Variants in CELA2A observed in about 807,000 individuals in gnomAD.
CELA2A encodes chymotrypsin like elastase 2A.
A neutral mutation model predicts 35.3 loss-of-function variants in CELA2A; 31 were observed. That is an observed-to-expected ratio of 0.88 (90% CI 0.66 to 1.19). The LOEUF (loss-of-function observed/expected upper bound fraction) is 1.19, where lower values mean the gene tolerates loss of function less well. Ranked by LOEUF, CELA2A falls within the 50% of genes most tolerant of loss-of-function variation. The probability of loss-of-function intolerance (pLI) is 0.00; values close to 1 mark genes in which losing one functional copy is unlikely to be tolerated. For missense variants in CELA2A, 330 were observed against 352.9 expected, an observed-to-expected ratio of 0.94 and a Z score of 0.52; for synonymous variants, 150 against 149.8, an observed-to-expected ratio of 1.00 and a Z score of -0.01.
intron 5 of CELA2A, 55 bp from the exon 6 acceptor site, chr1:15,465,944 T>G: frequency 6.2e-7 from 1 of 1,603,950 alleles, no homozygotes; most frequent in Non-Finnish European, 8.5e-7. Context: ...GTCCATCACT[T>G]CCTTTTTCTC....
At chr1:15,468,677 G>A (rs1447208423) in intron 7 of CELA2A, among the ~76,000 whole-genome samples, 1 of 152,090 alleles carries the variant, frequency 6.6e-6, no homozygotes, top group Non-Finnish European at 1.5e-5. Flanking sequence ...AGGCACGGTG[G>A]TACATGCCTG....
Position 15,457,171 on chromosome 1 carries a change from G to A in CELA2A, c.126G>A (p.Trp42Ter), listed in dbSNP as rs760085387. The change falls in exon 2 of 8, where the codon TGG becomes TGA. Residue 42 changes from tryptophan to a stop codon, truncating the protein, a stop_gained. Coordinates refer to ENST00000359621, the MANE Select transcript of CELA2A (RefSeq NM_033440.3). LOFTEE classifies it high-confidence loss of function. ...GEEARPNSWP[W>*]QVSLQYSSNG... is the part of the protein sequence containing the mutation. ...AAGCGAGGCCCAACAGCTGGCCCTG[G>A]CAGGTGAGTTGACCACACTGTACTT... 7.5e-5 allele frequency: 121 copies of A among 1,613,964 alleles called. No homozygotes were observed. The highest frequency in any genetic ancestry group is 9.6e-5 in the Non-Finnish European group (113 of 1,179,992).
At chr1:15,470,211 C>A (rs996263259) in intron 7 of CELA2A, among the ~76,000 whole-genome samples, 1 of 152,172 alleles carries the variant, frequency 6.6e-6, no homozygotes, top group African/African-American at 2.4e-5. Context: ...CTAGTGAAAC[C>A]TTGCAGTAGC....
Position 15,463,353 on chromosome 1 carries a change from C to T in CELA2A, c.357-33C>T, listed in dbSNP as rs12076616. ...GCCCACAGGGCAGGAAAAGTCAACCCGGTCCTCATGCTTCGCCTCCACACT... is the reference window on the plus strand; with the variant it reads ...GCCCACAGGGCAGGAAAAGTCAACCTGGTCCTCATGCTTCGCCTCCACACT... On this transcript the variant is annotated intron_variant, in intron 4 of 7. Transcript: ENST00000359621. 6,329 of 1,612,430 alleles carry T rather than the reference C, an allele frequency of 3.9e-3. 162 individuals carry two copies. In the African/African-American group the frequency reaches 0.061, roughly 16 times the overall value.
rs1331780143 is a variant in CELA2A at position 15,461,542 on chromosome 1, C to T, written c.130-19C>T. The T allele has an allele frequency of 6.2e-7, 1 of 1,611,786 alleles. No individual in the cohort carries two copies. Among genetic ancestry groups the T allele is most frequent in the Non-Finnish European group, 8.5e-7 (1 of 1,179,648 alleles). ...TGCTCTTTCAAACCTAGCCACAGAGCTCCTTTGCTTCTCCCCAGGTCTCCC... is the reference window on the plus strand; with the variant it reads ...TGCTCTTTCAAACCTAGCCACAGAGTTCCTTTGCTTCTCCCCAGGTCTCCC... On this transcript the variant is annotated intron_variant, in intron 2 of 7. Coordinates refer to ENST00000359621, the MANE Select transcript of CELA2A (RefSeq NM_033440.3).
intron 5 of CELA2A, 31 bp downstream of exon 5, chr1:15,463,553 G>T (rs1302678952): frequency 6.2e-7 from 1 of 1,612,608 alleles, no homozygotes; most frequent in Non-Finnish European, 8.5e-7. Context: ...CCCAGGCCTG[G>T]GAGGGAAGGG....
At chr1:15,464,834 A>C (rs1252471694) in intron 5 of CELA2A, among the ~76,000 whole-genome samples, 1 of 152,066 alleles carries the variant, frequency 6.6e-6, no homozygotes, top group African/African-American at 2.4e-5. Flanking sequence ...GTCACGGTGA[A>C]ACCTTGGGCA....
rs1708425897 is a variant in CELA2A at position 15,460,976 on chromosome 1, C to T, written c.130-585C>T. On this transcript the variant is annotated intron_variant, in intron 2 of 7. Coordinates refer to ENST00000359621, the MANE Select transcript of CELA2A (RefSeq NM_033440.3). ...CATAGCTCAGCGTGGCTGGGGAGGC[C>T]TCAGGAAACTTATAATCATGGCAGA... Among the ~76,000 whole-genome samples, 4 of 152,114 alleles carry T rather than the reference C, an allele frequency of 2.6e-5. No individual in the cohort carries two copies. The South Asian group carries it at 8.3e-4, about 31-fold the overall frequency.
chr1:15,469,728 T>C (rs1323411236), intron 7 of CELA2A, among the ~76,000 whole-genome samples: 2 of 152,140 alleles, frequency 1.3e-5, no homozygotes, highest in Non-Finnish European at 2.9e-5. Flanking sequence ...CTTTTTTATA[T>C]CTAAATTGGG....
At chr1:15,460,671 A>G (rs1431324036) in intron 2 of CELA2A, among the ~76,000 whole-genome samples, 3 of 149,930 alleles carry the variant, frequency 2.0e-5, no homozygotes, top group Non-Finnish European at 4.4e-5. Flanking sequence ...TTTTTTAAAG[A>G]CCTGGTCTCA....
In CELA2A at chr1:15,472,085, CA is replaced by C; in HGVS notation, c.*81del. On this transcript the variant is annotated 3_prime_UTR_variant, in exon 8 of 8. Coordinates refer to ENST00000359621, the MANE Select transcript of CELA2A (RefSeq NM_033440.3). ...ATAATATAATAAAGTGACAACTATG[CA>C]AATCACATCTTGATGAGAGATTTAT... 3 of 1,571,258 alleles carry C rather than the reference CA, an allele frequency of 1.9e-6. No individual in the cohort carries two copies. Among genetic ancestry groups the C allele is most frequent in the African/African-American group, 1.3e-5 (1 of 74,084 alleles).
intron 2 of CELA2A, among the ~76,000 whole-genome samples, chr1:15,460,527 C>T (rs1708419446): frequency 6.6e-6 from 1 of 152,066 alleles, no homozygotes; most frequent in Admixed American, 6.6e-5. Context: ...CTGTCACCTC[C>T]CTCCCCTCTG....
intron 2 of CELA2A, among the ~76,000 whole-genome samples, chr1:15,460,682 C>T (rs1424876508): frequency 2.0e-5 from 3 of 150,578 alleles, no homozygotes; most frequent in African/African-American, 7.3e-5. Context: ...CCTGGTCTCA[C>T]TCTGTTAATT....
Position 15,457,128 on chromosome 1 carries a change from G to A in CELA2A, c.83G>A (p.Arg28Lys), listed in dbSNP as rs770719744. ...CCCACTTACCCACCTTATGTGACTA[G>A]GGTGGTTGGCGGTGAAGAAGCGAGG... ...GDPTYPPYVT[R>K]VVGGEEARPN... The change falls in exon 2 of 8, where the codon AGG becomes AAG. Residue 28 changes from arginine to lysine, a missense_variant. Physicochemically the swap from Arg to Lys is conservative, Grantham distance 26. Transcript: ENST00000359621. 7.4e-6 allele frequency: 12 copies of A among 1,614,166 alleles called. No homozygotes were observed. In the South Asian group the frequency reaches 1.3e-4, roughly 18 times the overall value.
chr1:15,458,452 G>T (rs867862026), intron 2 of CELA2A, among the ~76,000 whole-genome samples: 17 of 152,214 alleles, frequency 1.1e-4, no homozygotes, highest in Middle Eastern at 3.4e-3. Context: ...AAGCATAATT[G>T]ATATAAACTG....
Position 15,466,061 on chromosome 1 carries a change from T to A in CELA2A, c.556T>A (p.Cys186Ser). The change falls in exon 6 of 8, where the codon TGC (cysteine) becomes AGC (serine). Residue 186 changes from cysteine (C) to serine (S), a missense_variant. Transcript: ENST00000359621. ...GTTGCTGGTTGTGGACTATGCCACC[T>A]GCTCCAGCTCTGCCTGGTGGGGCAG... ...GRLLVVDYAT[C>S]SSSAWWGSSV... The A allele has an allele frequency of 6.2e-7, 1 of 1,614,194 alleles. No homozygotes were observed. The highest frequency in any genetic ancestry group is 8.5e-7 in the Non-Finnish European group (1 of 1,180,034).
chr1:15,466,362 G>C (rs1708518133), intron 6 of CELA2A, among the ~76,000 whole-genome samples: 1 of 152,094 alleles, frequency 6.6e-6, no homozygotes, highest in African/African-American at 2.4e-5. Flanking sequence ...AGCAGTTCAA[G>C]ACCAGCCTGG....
chr1:15,463,647 C>T, intron 5 of CELA2A, 125 bp downstream of exon 5: 3 of 1,443,256 alleles, frequency 2.1e-6, no homozygotes, highest in Admixed American at 2.1e-5. Flanking sequence ...GACGGGATGG[C>T]ATAGGCTGAC....
chr1:15,465,822 G>GAGTCAGGTGTTCACTGCTGAACCAATCAA, intron 5 of CELA2A, 177 bp from the exon 6 acceptor site: 1 of 697,980 alleles, frequency 1.4e-6, no homozygotes, highest in Non-Finnish European at 2.4e-6. Flanking sequence ...GGCTTAGCTT[G>GAGTCAGGTGTTCACTGCTGAACCAATCAA]AGTCAGGTGT....
Sources: allele counts gnomAD v4.1 joint callset (sites outside exome capture counted in the v4.1 genomes callset), GRCh38; gene constraint gnomAD v4.1.1; transcripts MANE v1.5; gene names NCBI Gene and HGNC (gene_info 2026-07-23, HGNC 2026-07-21).